The following TTC7A variants were observed in gnomAD, a reference collection of about 807,000 sequenced individuals.
TTC7A encodes the protein tetratricopeptide repeat protein 7A.
In TTC7A, 110 loss-of-function variants were observed where a neutral mutation model predicts 103.7. That is an observed-to-expected ratio of 1.06 (90% confidence interval 0.91 to 1.24). The LOEUF (loss-of-function observed/expected upper bound fraction) is 1.24, where lower values mean the gene tolerates loss of function less well. TTC7A is among the 50% of genes most tolerant of loss of function. TTC7A has a pLI of 0.00. For synonymous variants in TTC7A, 521 were observed against 467.9 expected (o/e 1.11, Z -1.47); for missense variants, 1,340 against 1,116.3 (o/e 1.20, Z -2.86).
intron 16 of TTC7A, among the ~76,000 whole-genome samples, chr2:47,047,901 C>T (rs915718465): frequency 6.6e-6 from 1 of 152,196 alleles, no homozygotes; most frequent in Non-Finnish European, 1.5e-5. Flanking sequence ...CTCCCTGTCT[C>T]CTGGGAAAGC....
chr2:46,952,571 T>G (rs1279808335), intron 2 of TTC7A, among the ~76,000 whole-genome samples: 1 of 152,164 alleles, frequency 6.6e-6, no homozygotes, highest in African/African-American at 2.4e-5. Context: ...GGCAACATGG[T>G]GAGACCCCAT....
chr2:46,938,331 T>G (rs1405930746), upstream of TTC7A, among the ~76,000 whole-genome samples: 1 of 152,164 alleles, frequency 6.6e-6, no homozygotes, highest in Non-Finnish European at 1.5e-5. Context: ...TTGATCACTA[T>G]TATACCTTTT....
chr2:46,977,339 CCTT>C (rs1321080531), intron 4 of TTC7A, among the ~76,000 whole-genome samples: 1 of 152,202 alleles, frequency 6.6e-6, no homozygotes, highest in African/African-American at 2.4e-5. Flanking sequence ...GGAACTAAGA[CCTT>C]CTCTTAAATC....
At chr2:47,049,287 G>C (rs890543413) in intron 16 of TTC7A, among the ~76,000 whole-genome samples, 2 of 152,116 alleles carry the variant, frequency 1.3e-5, no homozygotes, top group Admixed American at 1.3e-4. Flanking sequence ...GCCACGGCGG[G>C]CTTAAGCTGG....
intron 2 of TTC7A, among the ~76,000 whole-genome samples, chr2:46,926,551 A>G (rs72886673): frequency 5.8e-4 from 88 of 152,294 alleles, no homozygotes; most frequent in African/African-American, 1.8e-3. Context: ...CCGAATGTCA[A>G]TTGGTCTGAG....
Position 47,046,439 on chromosome 2 carries a change from G to A in TTC7A, c.1919+8G>A, listed in dbSNP as rs781571635. The A allele has an allele frequency of 6.2e-7, 1 of 1,610,878 alleles. No homozygotes were observed. The highest frequency in any genetic ancestry group is 1.1e-5 in the South Asian group (1 of 91,000). On this transcript the variant is annotated splice_region_variant and intron_variant, in intron 16 of 19. Coordinates refer to ENST00000319190, the MANE Select transcript of TTC7A (RefSeq NM_020458.4). Reference sequence around the variant, plus strand: ...CAGCTTCTCCCAGCTGGGGTGAGTGGCCGTCATTGTCTCTTGGGTTGCCAG... The same window carrying A: ...CAGCTTCTCCCAGCTGGGGTGAGTGACCGTCATTGTCTCTTGGGTTGCCAG...
At position 47,029,393 on chromosome 2, in the gene TTC7A, C is replaced by T; in HGVS notation, c.1802+9C>T. Reference sequence around the variant, plus strand: ...CACCCTGAGAACTTCAAGTGAGTGCCCTGGGAACACTCTGGCAGTGGGGGA... The same window carrying T: ...CACCCTGAGAACTTCAAGTGAGTGCTCTGGGAACACTCTGGCAGTGGGGGA... On this transcript the variant is annotated intron_variant, in intron 15 of 19. Transcript: ENST00000319190. 1.2e-6 allele frequency: 2 copies of T among 1,613,264 alleles called. No homozygotes were observed. Among genetic ancestry groups the T allele is most frequent in the Non-Finnish European group, 1.7e-6 (2 of 1,179,860 alleles).
At chr2:46,931,966 G>A (rs1373649720) in intron 2 of TTC7A, among the ~76,000 whole-genome samples, 2 of 152,138 alleles carry the variant, frequency 1.3e-5, no homozygotes, top group African/African-American at 2.4e-5. Context: ...GAAAATCAAA[G>A]TATTTCACCA....
chr2:46,984,923 CG>C (rs1468284271), intron 5 of TTC7A, among the ~76,000 whole-genome samples: 1 of 152,126 alleles, frequency 6.6e-6, no homozygotes, highest in African/African-American at 2.4e-5. Flanking sequence ...CTAGTGACAG[CG>C]GGGAGCATAG....
At chr2:46,970,532 C>G (rs1304136813) in intron 3 of TTC7A, among the ~76,000 whole-genome samples, 1 of 152,226 alleles carries the variant, frequency 6.6e-6, no homozygotes, top group Non-Finnish European at 1.5e-5. Flanking sequence ...GGAGGGAGCC[C>G]AGCCTCAGCA....
chr2:46,940,972 G>A (rs1670281154), upstream of TTC7A, among the ~76,000 whole-genome samples: 1 of 152,156 alleles, frequency 6.6e-6, no homozygotes, highest in Non-Finnish European at 1.5e-5. This position sits in a 1 kb window ranked among gnomAD's most constrained non-coding sequence, Gnocchi z 4.7. Flanking sequence ...ATGGGGAGGG[G>A]GCGGGAAGCG....
rs995120313 is a variant in TTC7A, at chr2:47,007,724, G to A, written c.1287+1000G>A. 2.6e-5 allele frequency among the ~76,000 whole-genome samples: 4 copies of A among 152,170 alleles called. No homozygotes were observed. Among genetic ancestry groups the A allele is most frequent in the Non-Finnish European group, 4.4e-5 (3 of 68,010 alleles). ...GGAGCAGGTGCTGCAGCCTGAGTGC[G>A]GGGAGAGGCTTGCTGGGGAGCCTTC... On this transcript the variant is annotated intron_variant, in intron 10 of 19. Transcript: ENST00000319190. This position sits in a 1 kb window ranked among gnomAD's most constrained non-coding sequence, Gnocchi z 4.9.
chr2:47,047,423 C>T (rs1461890529), intron 16 of TTC7A: 9 of 832,894 alleles, frequency 1.1e-5, no homozygotes, highest in Middle Eastern at 2.3e-4. Flanking sequence ...GACCAGTGGG[C>T]GGAAGCTGCC....
intron 1 of TTC7A, among the ~76,000 whole-genome samples, chr2:46,947,853 C>G (rs928271963): frequency 6.6e-6 from 1 of 152,216 alleles, no homozygotes; most frequent in African/African-American, 2.4e-5. Flanking sequence ...TAAAATTACT[C>G]TGTCAGATTT....
intron 3 of TTC7A, among the ~76,000 whole-genome samples, chr2:46,968,892 C>G (rs936112633): frequency 6.6e-6 from 1 of 151,138 alleles, no homozygotes; most frequent in African/African-American, 2.4e-5. Context: ...GGGCTCTTTT[C>G]TAATTGGTCT....
chr2:46,956,416 C>G (rs1269434568), intron 2 of TTC7A, among the ~76,000 whole-genome samples: 1 of 152,076 alleles, frequency 6.6e-6, no homozygotes, highest in African/African-American at 2.4e-5. Flanking sequence ...CAAGAGGACT[C>G]CCAAAATGAG....
chr2:47,032,722 G>A lies in TTC7A; in HGVS notation c.1802+3338G>A, dbSNP rs531280195. On this transcript the variant is annotated intron_variant, in intron 15 of 19. Coordinates refer to ENST00000319190, the MANE Select transcript of TTC7A (RefSeq NM_020458.4). ...GGTTCTTCATCTTGAGCCACCATGA[G>A]CTCCTCACCTCCAGGATCCCGAGGA... Among the ~76,000 whole-genome samples, 11 of 151,840 alleles carry A rather than the reference G, an allele frequency of 7.2e-5. No homozygotes were observed. The South Asian group carries it at 2.3e-3, about 32-fold the overall frequency.
intron 15 of TTC7A, chr2:47,045,652 T>C (rs1264576594): frequency 1.3e-5 from 2 of 152,276 alleles, no homozygotes; most frequent in Non-Finnish European, 2.9e-5. Context: ...GAGCTGGCTA[T>C]TTTGGGAAAT....
chr2:47,052,193 G>A (rs1573037653), intron 18 of TTC7A, among the ~76,000 whole-genome samples: 1 of 152,248 alleles, frequency 6.6e-6, no homozygotes, highest in South Asian at 2.1e-4. Flanking sequence ...TCAGAGAGGG[G>A]AGGTGTGGAG....
Sources: allele counts gnomAD v4.1 joint callset (sites outside exome capture counted in the v4.1 genomes callset), GRCh38; gene constraint gnomAD v4.1.1; non-coding constraint Gnocchi (gnomAD v3.1); transcripts MANE v1.5; gene names NCBI Gene and HGNC (gene_info 2026-07-23, HGNC 2026-07-21).